LHFPL3: variants seen among roughly 807,000 people sequenced by gnomAD.
LHFPL3 encodes the protein LHFPL tetraspan subfamily member 3.
Under a neutral mutation model 19.3 loss-of-function variants are expected in LHFPL3, and 5 were observed. The ratio of observed to expected loss-of-function variants is 0.26; its 90% CI spans 0.14 to 0.54. LHFPL3 has a LOEUF of 0.54. Ranked by LOEUF, LHFPL3 falls within the 20% of genes least tolerant of loss-of-function variation. The pLI, the probability that LHFPL3 is intolerant of heterozygous loss-of-function variation, is 0.94. For missense variants in LHFPL3, 249 were observed against 307.4 expected (o/e 0.81, Z 1.42); for synonymous variants, 133 against 126.2 (o/e 1.05, Z -0.36).
chr7:104,460,249 G>A (rs10252016), intron 1 of LHFPL3, among the ~76,000 whole-genome samples: 25,666 of 152,008 alleles, frequency 0.17, 2,168 homozygotes, highest in Middle Eastern at 0.2. Flanking sequence ...CCATATGACC[G>A]TTGATGAGCA....
chr7:104,522,214 T>C (rs1422469835), intron 1 of LHFPL3, among the ~76,000 whole-genome samples: 1 of 151,934 alleles, frequency 6.6e-6, no homozygotes, highest in Admixed American at 6.6e-5. Flanking sequence ...GCCATAAAAA[T>C]TGGCGAGTTC....
intron 2 of LHFPL3, among the ~76,000 whole-genome samples, chr7:104,887,061 A>C (rs750384684): frequency 7.2e-5 from 11 of 152,278 alleles, no homozygotes; most frequent in African/African-American, 1.7e-4. Flanking sequence ...AGAAATCCAG[A>C]GAATTTTCTC....
intron 2 of LHFPL3, among the ~76,000 whole-genome samples, chr7:104,887,570 C>T (rs577384859): frequency 2.0e-5 from 3 of 152,268 alleles, no homozygotes; most frequent in African/African-American, 7.2e-5. Context: ...CAGTCTGTCC[C>T]ATGGGTAAGC....
chr7:104,689,898 C>T (rs1036538574), intron 1 of LHFPL3, among the ~76,000 whole-genome samples: 43 of 152,314 alleles, frequency 2.8e-4, no homozygotes, highest in African/African-American at 1.0e-3. Flanking sequence ...ATAATTGGCA[C>T]AGGCATACTT....
intron 2 of LHFPL3, among the ~76,000 whole-genome samples, chr7:104,774,526 TC>T (rs760156414): frequency 6.6e-6 from 1 of 152,182 alleles, no homozygotes; most frequent in Non-Finnish European, 1.5e-5. Flanking sequence ...ACACCTTCAT[TC>T]CAGTAATACA....
At chr7:104,850,448 T>C (rs914146834) in intron 2 of LHFPL3, among the ~76,000 whole-genome samples, 2 of 152,168 alleles carry the variant, frequency 1.3e-5, no homozygotes, top group Non-Finnish European at 2.9e-5. Context: ...GAGGGCTTCA[T>C]TTTGGGTGTT....
intron 2 of LHFPL3, among the ~76,000 whole-genome samples, chr7:104,801,521 C>A (rs773034720): frequency 7.6e-4 from 116 of 152,172 alleles, no homozygotes; most frequent in Non-Finnish European, 7.1e-4. Context: ...TAGTTAGCAC[C>A]AAAGTTTTTT....
chr7:104,537,848 C>G (rs1418238759), intron 1 of LHFPL3, among the ~76,000 whole-genome samples: 1 of 152,202 alleles, frequency 6.6e-6, no homozygotes, highest in African/African-American at 2.4e-5. Context: ...TCTAAAATAA[C>G]TTATATACAG....
At position 104,429,582 on chromosome 7, in the gene LHFPL3, C is replaced by T. The variant is rs541705412; in HGVS notation, c.445+100358C>T. Reference sequence around the variant, plus strand: ...CCGCCTGCCTCAGCCTCCCAAAATGCTGGGATTACAGGCATGAGCCACTGC... The same window carrying T: ...CCGCCTGCCTCAGCCTCCCAAAATGTTGGGATTACAGGCATGAGCCACTGC... On this transcript the variant is annotated intron_variant, in intron 1 of 2. Transcript: ENST00000424859. Among the ~76,000 whole-genome samples, 24 of 151,824 alleles carry T rather than the reference C, an allele frequency of 1.6e-4. 1 individual carries two copies. In the East Asian group the frequency reaches 4.1e-3, roughly 26 times the overall value.
At chr7:104,638,849 A>G (rs1791778850) in intron 1 of LHFPL3, among the ~76,000 whole-genome samples, 1 of 149,276 alleles carries the variant, frequency 6.7e-6, no homozygotes, top group African/African-American at 2.5e-5. Context: ...TGCAGTCTTG[A>G]CCTCGAAGGC....
intron 1 of LHFPL3, among the ~76,000 whole-genome samples, chr7:104,532,146 C>G (rs1258010431): frequency 6.6e-6 from 1 of 152,030 alleles, no homozygotes; most frequent in Non-Finnish European, 1.5e-5. Context: ...GAAACTGGGT[C>G]TTGCTTTGTC....
At chr7:104,466,248 G>A (rs1052236495) in intron 1 of LHFPL3, among the ~76,000 whole-genome samples, 1 of 152,082 alleles carries the variant, frequency 6.6e-6, no homozygotes, top group African/African-American at 2.4e-5. Context: ...TAGTATTATT[G>A]GTCCATGTAG....
intron 1 of LHFPL3, among the ~76,000 whole-genome samples, chr7:104,332,167 T>G (rs935745958): frequency 6.6e-6 from 1 of 151,724 alleles, no homozygotes; most frequent in Non-Finnish European, 1.5e-5. Flanking sequence ...CTAAGCCTTT[T>G]TAATATACTA....
chr7:104,463,702 A>G (rs1792720316), intron 1 of LHFPL3, among the ~76,000 whole-genome samples: 3 of 152,204 alleles, frequency 2.0e-5, no homozygotes, highest in African/African-American at 7.2e-5. Context: ...ATCAGATATT[A>G]TGAGAACTCA....
At chr7:104,827,802 A>T (rs1402002500) in intron 2 of LHFPL3, among the ~76,000 whole-genome samples, 2 of 151,882 alleles carry the variant, frequency 1.3e-5, no homozygotes, top group Non-Finnish European at 2.9e-5. Flanking sequence ...TGCTTGGTTC[A>T]TCTCACCACG....
chr7:104,626,276 A>G (rs1264358300), intron 1 of LHFPL3, among the ~76,000 whole-genome samples: 1 of 152,176 alleles, frequency 6.6e-6, no homozygotes, highest in Non-Finnish European at 1.5e-5. Flanking sequence ...GTGAGCATCA[A>G]ATTTCCTGCC....
Position 104,591,641 on chromosome 7 carries a change from C to G in LHFPL3, c.446-145034C>G, listed in dbSNP as rs137948987. ...TATCTTTGTGGCGTTCTCTGTATTT[C>G]CTGAATTTGAATGTTGGCCTGCCTT... On this transcript the variant is annotated intron_variant, in intron 1 of 2. Coordinates refer to ENST00000424859, the MANE Select transcript of LHFPL3 (RefSeq NM_199000.3). Among the ~76,000 whole-genome samples the G allele has an allele frequency of 4.7e-3, 709 of 152,200 alleles. 15 individuals are homozygous for G. In the East Asian group the frequency reaches 0.05, roughly 11 times the overall value.
chr7:104,887,061 A>G (rs750384684), intron 2 of LHFPL3, among the ~76,000 whole-genome samples: 1 of 152,278 alleles, frequency 6.6e-6, no homozygotes, highest in South Asian at 2.1e-4. Flanking sequence ...AGAAATCCAG[A>G]GAATTTTCTC....
At chr7:104,410,655 CAAA>C (rs1270993505) in intron 1 of LHFPL3, among the ~76,000 whole-genome samples, 1 of 152,050 alleles carries the variant, frequency 6.6e-6, no homozygotes, top group Non-Finnish European at 1.5e-5. Context: ...ATTAAAGATT[CAAA>C]CAACATCATG....
Sources: gnomAD v4.1 joint callset for allele counts (sites outside exome capture counted in the v4.1 genomes callset) on GRCh38, gnomAD v4.1.1 for gene constraint, MANE v1.5 for transcripts, NCBI Gene and HGNC (gene_info 2026-07-23, HGNC 2026-07-21) for gene names.